Variants in PHKB observed in about 807,000 individuals in gnomAD.
PHKB encodes the protein phosphorylase kinase regulatory subunit beta.
A neutral mutation model predicts 152.1 loss-of-function variants in PHKB; 122 were observed. The ratio of observed to expected loss-of-function variants is 0.80; its 90% CI spans 0.69 to 0.93. The LOEUF is 0.93. Ranked by LOEUF, PHKB falls within the 40% of genes least tolerant of loss-of-function variation. The pLI, the probability that PHKB is intolerant of heterozygous loss-of-function variation, is 0.00. For missense variants in PHKB, 1,304 were observed against 1,328.4 expected, an observed-to-expected ratio of 0.98 and a Z score of 0.29; for synonymous variants, 436 against 464.9, an observed-to-expected ratio of 0.94 and a Z score of 0.80.
At chr16:47,518,959 G>T (rs1160974328) in intron 6 of PHKB, among the ~76,000 whole-genome samples, 1 of 152,076 alleles carries the variant, frequency 6.6e-6, no homozygotes, top group South Asian at 2.1e-4. Context: ...TTAGAAGTGG[G>T]TCCAGAGAAA....
chr16:47,526,151 C>G (rs1483722024), intron 6 of PHKB, among the ~76,000 whole-genome samples: 1 of 151,984 alleles, frequency 6.6e-6, no homozygotes, highest in Non-Finnish European at 1.5e-5. Context: ...GGCTCATGCC[C>G]GTAATCCCAG....
At chr16:47,534,695 T>G (rs959418677) in intron 6 of PHKB, among the ~76,000 whole-genome samples, 2 of 152,172 alleles carry the variant, frequency 1.3e-5, no homozygotes, top group East Asian at 3.8e-4. Context: ...GTGATAACAT[T>G]ACAAAGTAGG....
chr16:47,519,166 C>G (rs1801188080), intron 6 of PHKB, among the ~76,000 whole-genome samples: 1 of 152,156 alleles, frequency 6.6e-6, no homozygotes, highest in Non-Finnish European at 1.5e-5. Context: ...CCTTTATGAA[C>G]TCAAGTGTCA....
At chr16:47,522,023 G>A (rs1597052588) in intron 6 of PHKB, among the ~76,000 whole-genome samples, 1 of 152,050 alleles carries the variant, frequency 6.6e-6, no homozygotes, top group African/African-American at 2.4e-5. Flanking sequence ...TATCCATTCT[G>A]TGTTTTGTTG....
At chr16:47,661,570 T>TTTTATATTATATCAA (rs1973444553) in intron 22 of PHKB, 149 bp from the exon 23 acceptor site, 2 of 685,110 alleles carry the variant, frequency 2.9e-6, no homozygotes, top group African/African-American at 3.5e-5. Flanking sequence ...CATCTTATGC[T>TTTTATATTATATCAA]TGATATTATA....
At chr16:47,621,047 C>T (rs1209852761) in intron 14 of PHKB, among the ~76,000 whole-genome samples, 2 of 152,156 alleles carry the variant, frequency 1.3e-5, no homozygotes, top group Non-Finnish European at 2.9e-5. Context: ...AATTCAGGTA[C>T]TAGTTCTTTA....
chr16:47,601,671 C>G (rs1030352911), intron 13 of PHKB, among the ~76,000 whole-genome samples: 1 of 151,706 alleles, frequency 6.6e-6, no homozygotes, highest in Non-Finnish European at 1.5e-5. Context: ...TGCCACTGCA[C>G]TCCAGCCTGG....
intron 10 of PHKB, 40 bp from the exon 11 acceptor site, chr16:47,593,456 TTTAA>T: frequency 1.0e-6 from 1 of 994,746 alleles, no homozygotes; most frequent in Non-Finnish European, 1.6e-6. Flanking sequence ...ATAATAATAA[TTTAA>T]TTGTTAGTGT....
At chr16:47,583,257 C>T (rs1021560871) in intron 8 of PHKB, among the ~76,000 whole-genome samples, 7 of 152,156 alleles carry the variant, frequency 4.6e-5, no homozygotes, top group African/African-American at 1.7e-4. Flanking sequence ...GAAAATGTTA[C>T]TATTACCACC....
chr16:47,567,605 G>C (rs924705078), intron 7 of PHKB, among the ~76,000 whole-genome samples: 6 of 152,094 alleles, frequency 3.9e-5, no homozygotes, highest in Non-Finnish European at 8.8e-5. Flanking sequence ...AGGCATTCTT[G>C]TCTTGTTCTA....
intron 6 of PHKB, among the ~76,000 whole-genome samples, chr16:47,530,493 G>A (rs1046088925): frequency 2.0e-5 from 3 of 152,074 alleles, no homozygotes; most frequent in African/African-American, 4.8e-5. Flanking sequence ...CCTAGCCAAA[G>A]CAATAAGGCA....
In PHKB at chr16:47,596,488, G is replaced by A. The variant is rs1972122288; in HGVS notation, c.1320G>A (p.Leu440=). 6.2e-7 allele frequency: 1 copy of A among 1,613,960 alleles called. No individual in the cohort carries two copies. The highest frequency in any genetic ancestry group is 8.5e-7 in the Non-Finnish European group (1 of 1,179,872). The change falls in exon 13 of 31, where the codon CTG becomes CTA. Residue 440 remains leucine (L), a synonymous_variant. Transcript: ENST00000323584. The part of the protein sequence containing the change: ...FPSNCGRDGK[L]FLWGQALYII... ...GCAACTGTGGCCGTGATGGAAAACT[G>A]TTTCTTTGGGGACAAGCACTTTATA...
At chr16:47,511,855 A>G in intron 5 of PHKB, 83 bp downstream of exon 5, 1 of 925,766 alleles carries the variant, frequency 1.1e-6, no homozygotes, top group South Asian at 1.3e-5. Context: ...ACCAGGGACT[A>G]GTTTTGTGGA....
intron 1 of PHKB, chr16:47,462,044 A>G (rs1217703438): frequency 6.6e-6 from 1 of 152,580 alleles, no homozygotes; most frequent in Middle Eastern, 3.1e-3. Context: ...CAAACCCGAA[A>G]GCATAGAGGT....
intron 1 of PHKB, among the ~76,000 whole-genome samples, chr16:47,488,959 T>A (rs528666183): frequency 1.5e-4 from 23 of 152,286 alleles, no homozygotes; most frequent in African/African-American, 4.6e-4. Context: ...TTAAAAAAAT[T>A]TTTTTTTCTA....
chr16:47,621,049 A>G (rs1217103295), intron 14 of PHKB, among the ~76,000 whole-genome samples: 1 of 152,162 alleles, frequency 6.6e-6, no homozygotes, highest in Non-Finnish European at 1.5e-5. Flanking sequence ...TTCAGGTACT[A>G]GTTCTTTAGA....
At chr16:47,646,402 G>A (rs1597147624) in intron 16 of PHKB, among the ~76,000 whole-genome samples, 1 of 98,568 alleles carries the variant, frequency 1.0e-5, no homozygotes, top group Non-Finnish European at 2.0e-5. Context: ...AGGGGGGAGG[G>A]ATAGCATTGG....
At chr16:47,616,320 C>T (rs1449828892) in intron 14 of PHKB, among the ~76,000 whole-genome samples, 2 of 151,640 alleles carry the variant, frequency 1.3e-5, no homozygotes, top group South Asian at 4.1e-4. Context: ...TATACTTAGA[C>T]CTGTGATCCA....
intron 14 of PHKB, among the ~76,000 whole-genome samples, chr16:47,629,237 A>G (rs1376968225): frequency 2.6e-5 from 4 of 152,136 alleles, no homozygotes; most frequent in African/African-American, 2.4e-5. Flanking sequence ...TGAACAGGCA[A>G]CCTACAAAAT....
Sources: allele counts gnomAD v4.1 joint callset (sites outside exome capture counted in the v4.1 genomes callset), GRCh38; gene constraint gnomAD v4.1.1; transcripts MANE v1.5; gene names NCBI Gene and HGNC (gene_info 2026-07-23, HGNC 2026-07-21).